The following EPHA7 variants were observed in gnomAD, a reference collection of about 807,000 sequenced individuals.
The protein encoded by EPHA7 is ephrin type-A receptor 7.
In EPHA7, 25 loss-of-function variants were observed where a neutral mutation model predicts 112.6. The ratio of observed to expected loss-of-function variants is 0.22; its 90% CI spans 0.16 to 0.31. The LOEUF (loss-of-function observed/expected upper bound fraction) is 0.31, where lower values mean the gene tolerates loss of function less well. Among genes scored for constraint, EPHA7 ranks in the 10% least tolerant of loss-of-function variants. The pLI is 1.00. For synonymous variants in EPHA7, 437 were observed against 406.5 expected (o/e 1.07, Z -0.90); for missense variants, 962 against 1,212.6 (o/e 0.79, Z 3.07).
At chr6:93,350,248 T>C (rs531256900) in intron 5 of EPHA7, among the ~76,000 whole-genome samples, 2 of 152,162 alleles carry the variant, frequency 1.3e-5, no homozygotes, top group African/African-American at 4.8e-5. Context: ...CACTTCTTAG[T>C]AGGTCTCCTT....
intron 1 of EPHA7, 84 bp from the exon 2 acceptor site, chr6:93,414,851 T>C: frequency 9.7e-7 from 1 of 1,031,202 alleles, no homozygotes; most frequent in Non-Finnish European, 1.5e-6. Flanking sequence ...TCTTTTCATA[T>C]AACTATCACT....
chr6:93,268,981 G>A (rs765133649), intron 7 of EPHA7, among the ~76,000 whole-genome samples: 7 of 151,570 alleles, frequency 4.6e-5, no homozygotes, highest in Non-Finnish European at 7.4e-5. Context: ...ATAAAAACAA[G>A]TTCTAAGACC....
At position 93,362,847 on chromosome 6, in the gene EPHA7, G is replaced by GTT. The variant is rs1237341126; in HGVS notation, c.833-4438_833-4437dup. Among the ~76,000 whole-genome samples, 21 of 152,144 alleles carry GTT rather than the reference G, an allele frequency of 1.4e-4. No homozygotes were observed. In the East Asian group the frequency reaches 2.9e-3, roughly 21 times the overall value. On this transcript the variant is annotated intron_variant, in intron 3 of 16. Coordinates refer to ENST00000369303, the MANE Select transcript of EPHA7 (RefSeq NM_004440.4). ...ACCCATACTTGGTCCAGTTTTTTAG[G>GTT]TTTATGACCTATAATTGCATGCTTG...
At chr6:93,344,724 C>T (rs1247720871) in intron 5 of EPHA7, among the ~76,000 whole-genome samples, 1 of 151,472 alleles carries the variant, frequency 6.6e-6, no homozygotes, top group Non-Finnish European at 1.5e-5. Flanking sequence ...CTATTGACCT[C>T]CTGTGACACT....
At chr6:93,385,880 G>A (rs1777577024) in intron 3 of EPHA7, among the ~76,000 whole-genome samples, 1 of 152,106 alleles carries the variant, frequency 6.6e-6, no homozygotes, top group Non-Finnish European at 1.5e-5. Context: ...TGGTGGAAGG[G>A]GACGCAAACA....
In EPHA7 at chr6:93,257,384, A is replaced by T. The variant is rs1344438645; in HGVS notation, c.2172+78T>A. ...CTATTTTACAAGGCTCTCATTTTAC[A>T]TTGCAAAAAAAGTTCATAAAATTAT... On this transcript the variant is annotated intron_variant, in intron 12 of 16. Transcript: ENST00000369303. 3.7e-6 allele frequency: 4 copies of T among 1,084,786 alleles called. No homozygotes were observed. In the African/African-American group the frequency reaches 6.4e-5, roughly 17 times the overall value. 67.2% of individuals were successfully genotyped at this position (1,084,786 alleles called of 1,614,324 possible).
intron 3 of EPHA7, among the ~76,000 whole-genome samples, chr6:93,380,227 C>T (rs529724932): frequency 6.6e-5 from 10 of 152,128 alleles, no homozygotes; most frequent in East Asian, 3.9e-4. Context: ...ATAATTCCTG[C>T]GCTCCAGTTC....
chr6:93,250,820 C>A (rs1280670184), intron 14 of EPHA7, among the ~76,000 whole-genome samples: 1 of 151,958 alleles, frequency 6.6e-6, no homozygotes, highest in Non-Finnish European at 1.5e-5. Flanking sequence ...CTAAATAGTT[C>A]CCAGAGGAAC....
At chr6:93,269,931 A>G (rs1199881650) in intron 6 of EPHA7, among the ~76,000 whole-genome samples, 1 of 151,792 alleles carries the variant, frequency 6.6e-6, no homozygotes, top group Non-Finnish European at 1.5e-5. Context: ...GACAAGAACT[A>G]TTTAGCCATA....
chr6:93,294,691 C>T (rs919343809), intron 5 of EPHA7, among the ~76,000 whole-genome samples: 14 of 151,992 alleles, frequency 9.2e-5, no homozygotes, highest in Non-Finnish European at 1.8e-4. Context: ...AACATGCCAG[C>T]TCTCAAAATT....
intron 5 of EPHA7, among the ~76,000 whole-genome samples, chr6:93,311,406 T>C (rs1293162409): frequency 1.3e-5 from 2 of 152,162 alleles, no homozygotes; most frequent in African/African-American, 2.4e-5. Flanking sequence ...TCAAAGAGTC[T>C]CCATGAAGAC....
intron 14 of EPHA7, among the ~76,000 whole-genome samples, chr6:93,249,011 A>G (rs1770087396): frequency 6.6e-6 from 1 of 152,204 alleles, no homozygotes; most frequent in Non-Finnish European, 1.5e-5. Context: ...AAAGTTTCAC[A>G]CTGAGGTGTT....
intron 3 of EPHA7, among the ~76,000 whole-genome samples, chr6:93,408,043 T>C (rs1039869644): frequency 3.9e-5 from 6 of 152,030 alleles, no homozygotes; most frequent in Non-Finnish European, 8.8e-5. Context: ...ATGAGTTAAA[T>C]TATACAAAGT....
At chr6:93,252,001 A>G (rs1436036043) in intron 14 of EPHA7, among the ~76,000 whole-genome samples, 1 of 152,090 alleles carries the variant, frequency 6.6e-6, no homozygotes, top group African/African-American at 2.4e-5. Context: ...TAACTAATGG[A>G]TAACCTATTT....
At chr6:93,255,044 A>G (rs1193596986) in intron 13 of EPHA7, among the ~76,000 whole-genome samples, 1 of 152,036 alleles carries the variant, frequency 6.6e-6, no homozygotes, top group Non-Finnish European at 1.5e-5. Context: ...GCAAGAGTAT[A>G]TTGAACAAAC....
At chr6:93,329,966 T>C (rs967247937) in intron 5 of EPHA7, among the ~76,000 whole-genome samples, 1 of 151,448 alleles carries the variant, frequency 6.6e-6, no homozygotes, top group Non-Finnish European at 1.5e-5. Flanking sequence ...AGCAGGTTTA[T>C]CTTTTTACAC....
chr6:93,248,445 T>A (rs534770719), intron 14 of EPHA7, among the ~76,000 whole-genome samples: 144 of 152,190 alleles, frequency 9.5e-4, no homozygotes, highest in Non-Finnish European at 1.8e-3. Context: ...TTTATATAAG[T>A]ATAAAATTTA....
chr6:93,373,675 C>T (rs1222570249), intron 3 of EPHA7, among the ~76,000 whole-genome samples: 1 of 151,816 alleles, frequency 6.6e-6, no homozygotes, highest in African/African-American at 2.4e-5. Context: ...GTATTTTTAG[C>T]TCTCATGATT....
At chr6:93,363,458 C>T (rs1776353066) in intron 3 of EPHA7, among the ~76,000 whole-genome samples, 1 of 152,056 alleles carries the variant, frequency 6.6e-6, no homozygotes. Flanking sequence ...AAATGATGTG[C>T]CAAAGGCTAC....
Sources: gnomAD v4.1 joint callset for allele counts (sites outside exome capture counted in the v4.1 genomes callset) on GRCh38, gnomAD v4.1.1 for gene constraint, MANE v1.5 for transcripts, NCBI Gene and HGNC (gene_info 2026-07-23, HGNC 2026-07-21) for gene names.